PALM2AKAP2: variants seen among roughly 807,000 people sequenced by gnomAD.
PALM2AKAP2 encodes the protein PALM2 and AKAP2 fusion, also known as PALM2-AKAP2 fusion protein.
In PALM2AKAP2, 37 loss-of-function variants were observed where a neutral mutation model predicts 71.5. The ratio of observed to expected loss-of-function variants is 0.52; its 90% CI spans 0.40 to 0.68. The LOEUF is 0.68. Among genes scored for constraint, PALM2AKAP2 ranks in the 30% least tolerant of loss-of-function variants. PALM2AKAP2 has a pLI of 0.00. For synonymous variants in PALM2AKAP2, 468 were observed against 478.8 expected (o/e 0.98, Z 0.29); for missense variants, 1,224 against 1,191.8 (o/e 1.03, Z -0.40).
intron 1 of PALM2AKAP2, among the ~76,000 whole-genome samples, chr9:109,721,687 A>G (rs1828407315): frequency 6.6e-6 from 1 of 152,178 alleles, no homozygotes; most frequent in Admixed American, 6.5e-5. Flanking sequence ...ATTCCCATGC[A>G]TGAAGCCCCC....
chr9:109,788,924 G>A (rs1759175267), intron 1 of PALM2AKAP2, among the ~76,000 whole-genome samples: 1 of 152,208 alleles, frequency 6.6e-6, no homozygotes, highest in South Asian at 2.1e-4. Flanking sequence ...GGGCAAGAGT[G>A]ACACCCTGTG....
At chr9:110,043,716 GTTTTTTTTTTTTT>G (rs61128628), upstream of PALM2AKAP2, among the ~76,000 whole-genome samples, 1 of 91,584 alleles carries the variant, frequency 1.1e-5, no homozygotes, top group South Asian at 3.4e-4. Context: ...TTTTTTTGGT[GTTTTTTTTTTTTT>G]TTTTTTTTTG....
chr9:109,654,467 A>G lies in PALM2AKAP2; in HGVS notation c.5+13601A>G, dbSNP rs994092474. Among the ~76,000 whole-genome samples the G allele has an allele frequency of 3.9e-5, 6 of 152,370 alleles. No homozygotes were observed. The East Asian group carries it at 9.6e-4, about 24-fold the overall frequency. ...TGCATATTTGTTAATTAGACTGCAC[A>G]GAACAAGGTTCAGTTATGGATTCTT... On this transcript the variant is annotated intron_variant, in intron 1 of 6. Coordinates refer to the PALM2AKAP2 transcript ENST00000374531.
At chr9:109,640,898 T>G in intron 1 of PALM2AKAP2, 1 of 1,510,994 alleles carries the variant, frequency 6.6e-7, no homozygotes, top group African/African-American at 1.4e-5. Flanking sequence ...CGCCAGCTGC[T>G]CTCCTCTCGG....
intron 1 of PALM2AKAP2, among the ~76,000 whole-genome samples, chr9:109,775,197 G>A (rs1200166903): frequency 6.6e-6 from 1 of 152,198 alleles, no homozygotes; most frequent in Non-Finnish European, 1.5e-5. Context: ...AGGGACTCAT[G>A]TTGATCAACT....
chr9:109,880,490 G>A (rs908367159), intron 2 of PALM2AKAP2, 61 bp from the exon 3 acceptor site: 3 of 1,595,946 alleles, frequency 1.9e-6, no homozygotes, highest in East Asian at 2.2e-5. Context: ...CACTGCAGAG[G>A]GAGAGGACAG....
chr9:109,711,049 G>A (rs1019688275), intron 1 of PALM2AKAP2, among the ~76,000 whole-genome samples: 1 of 152,080 alleles, frequency 6.6e-6, no homozygotes, highest in Non-Finnish European at 1.5e-5. Flanking sequence ...CATTATAATT[G>A]CCATGTTGAT....
At chr9:110,020,845 C>T (rs1015771731) in intron 7 of PALM2AKAP2, among the ~76,000 whole-genome samples, 1 of 151,894 alleles carries the variant, frequency 6.6e-6, no homozygotes, top group African/African-American at 2.4e-5. Flanking sequence ...CACGTTGGCT[C>T]ATGCCTGTAA....
intron 3 of PALM2AKAP2, among the ~76,000 whole-genome samples, chr9:109,919,698 A>T (rs1337414066): frequency 6.6e-6 from 1 of 151,510 alleles, no homozygotes; most frequent in Non-Finnish European, 1.5e-5. Flanking sequence ...TGGGATATAT[A>T]TTAGTAGGAT....
intron 6 of PALM2AKAP2, among the ~76,000 whole-genome samples, chr9:109,947,043 C>T (rs575704195): frequency 6.6e-6 from 1 of 152,304 alleles, no homozygotes; most frequent in African/African-American, 2.4e-5. Flanking sequence ...TGTTCAGTGA[C>T]ATCATTTAAT....
chr9:109,764,676 G>A (rs954032044), intron 1 of PALM2AKAP2, among the ~76,000 whole-genome samples: 1 of 152,222 alleles, frequency 6.6e-6, no homozygotes, highest in Non-Finnish European at 1.5e-5. Flanking sequence ...CGATGCCAGT[G>A]CAGTAGTGGA....
At chr9:109,738,154 A>G (rs541613009) in intron 1 of PALM2AKAP2, among the ~76,000 whole-genome samples, 1 of 152,216 alleles carries the variant, frequency 6.6e-6, no homozygotes, top group African/African-American at 2.4e-5. Context: ...ATATACTCTT[A>G]TGTTTCCCTC....
At chr9:109,845,909 G>A (rs1828840292) in intron 1 of PALM2AKAP2, among the ~76,000 whole-genome samples, 1 of 152,136 alleles carries the variant, frequency 6.6e-6, no homozygotes, top group Non-Finnish European at 1.5e-5. Flanking sequence ...TAAGCATAAA[G>A]GATATAGAGC....
intron 6 of PALM2AKAP2, among the ~76,000 whole-genome samples, chr9:109,983,394 C>T (rs570799047): frequency 6.6e-6 from 1 of 152,116 alleles, no homozygotes; most frequent in Non-Finnish European, 1.5e-5. Context: ...TTCATGCTCT[C>T]TCTCTTCTTT....
chr9:109,943,069 G>A (rs752405209), intron 6 of PALM2AKAP2: 6 of 1,614,118 alleles, frequency 3.7e-6, no homozygotes, highest in Admixed American at 1.7e-5. Context: ...AGGGCAGCAG[G>A]CCCAAGCCCC....
At chr9:110,096,376 A>G (rs748518433) in intron 1 of PALM2AKAP2, among the ~76,000 whole-genome samples, 3 of 151,410 alleles carry the variant, frequency 2.0e-5, no homozygotes, top group Non-Finnish European at 4.4e-5. Flanking sequence ...CGATCCTTCC[A>G]TCTCAGCCTC....
At chr9:110,066,712 A>AC (rs1834087729) in intron 1 of PALM2AKAP2, among the ~76,000 whole-genome samples, 1 of 151,976 alleles carries the variant, frequency 6.6e-6, no homozygotes, top group Non-Finnish European at 1.5e-5. Flanking sequence ...AAAAAAAAAA[A>AC]AAGTAGGTAA....
chr9:109,687,981 G>C (rs972476640), intron 1 of PALM2AKAP2, among the ~76,000 whole-genome samples: 1 of 152,206 alleles, frequency 6.6e-6, no homozygotes. Flanking sequence ...AGGAATGGTT[G>C]ATCAGTGGAG....
chr9:109,792,636 G>A (rs551729594), intron 1 of PALM2AKAP2, among the ~76,000 whole-genome samples: 10 of 152,180 alleles, frequency 6.6e-5, no homozygotes, highest in African/African-American at 2.2e-4. Context: ...ATCAGTTGAG[G>A]GTGGGAGGGT....
Sources: allele counts gnomAD v4.1 joint callset (sites outside exome capture counted in the v4.1 genomes callset), GRCh38; gene constraint gnomAD v4.1.1; transcripts MANE v1.5; gene names NCBI Gene and HGNC (gene_info 2026-07-23, HGNC 2026-07-21).